Variants in SKIC3 observed in about 807,000 individuals in gnomAD.
The protein encoded by SKIC3 is SKI3 subunit of superkiller complex, also known as superkiller complex protein 3.
At chr5:95,525,992 T>C in the SKIC3 span, among the ~76,000 whole-genome samples, 1 of 152,188 alleles carries the variant, frequency 6.6e-6, no homozygotes, top group African/African-American at 2.4e-5. Context: ...TCTGCTCAGA[T>C]GATTTTGACA....
At chr5:95,490,055 G>T in the SKIC3 span, among the ~76,000 whole-genome samples, 5 of 152,096 alleles carry the variant, frequency 3.3e-5, no homozygotes, top group South Asian at 1.0e-3. Context: ...GACAAAAGTA[G>T]GCTAATCTAT....
chr5:95,515,098 T>C, the SKIC3 span: 4 of 590,530 alleles, frequency 6.8e-6, no homozygotes, highest in Non-Finnish European at 1.2e-5. Context: ...ACTACACAGT[T>C]CTGGAACACT....
chr5:95,497,449 T>C, the SKIC3 span: 293 of 1,613,672 alleles, frequency 1.8e-4, 1 homozygote, highest in Middle Eastern at 6.4e-3. Flanking sequence ...GTGCAACAAC[T>C]CGAGACAACA....
At chr5:95,486,101 G>T in the SKIC3 span, among the ~76,000 whole-genome samples, 7 of 152,124 alleles carry the variant, frequency 4.6e-5, no homozygotes, top group Non-Finnish European at 1.0e-4. Flanking sequence ...GGTCCAAAGT[G>T]GGAGCTCACG....
chr5:95,466,272 T>C, the SKIC3 span, among the ~76,000 whole-genome samples: 1 of 152,226 alleles, frequency 6.6e-6, no homozygotes, highest in Non-Finnish European at 1.5e-5. Context: ...AACTGTCACA[T>C]GTATTTTATA....
chr5:95,502,930 A>C, the SKIC3 span: 91 of 1,613,962 alleles, frequency 5.6e-5, no homozygotes, highest in Non-Finnish European at 7.6e-5. Flanking sequence ...GTTTATATTC[A>C]GTTATTGCCA....
At chr5:95,523,478 G>C in the SKIC3 span, 1 of 1,166,328 alleles carries the variant, frequency 8.6e-7, no homozygotes, top group Non-Finnish European at 1.2e-6. Flanking sequence ...ACAATAAGTG[G>C]TTAGTAATTT....
chr5:95,541,926 T>C, the SKIC3 span: 1 of 1,513,072 alleles, frequency 6.6e-7, no homozygotes, highest in Non-Finnish European at 9.2e-7. Flanking sequence ...GAAGTACTCA[T>C]GATTATTCTT....
At chr5:95,536,896 C>T in the SKIC3 span, 11 of 1,613,466 alleles carry the variant, frequency 6.8e-6, no homozygotes, top group South Asian at 2.2e-5. Flanking sequence ...CTTCACAGGC[C>T]TTCTTCAATC....
At chr5:95,517,438 CCTAA>C in the SKIC3 span, 1 of 1,168,890 alleles carries the variant, frequency 8.6e-7, no homozygotes, top group Admixed American at 2.1e-5. Context: ...CTAGTCTCCT[CCTAA>C]CTGAATCATA....
chr5:95,470,245 T>C, the SKIC3 span, among the ~76,000 whole-genome samples: 1 of 152,172 alleles, frequency 6.6e-6, no homozygotes, highest in African/African-American at 2.4e-5. Context: ...CCCAAAGTGC[T>C]GGGATTACAG....
At chr5:95,503,709 A>C in the SKIC3 span, 34 of 1,535,214 alleles carry the variant, frequency 2.2e-5, no homozygotes, top group Non-Finnish European at 3.0e-5. Context: ...TTTAATAAAC[A>C]TTGCAACCCC....
chr5:95,514,165 T>A, the SKIC3 span, among the ~76,000 whole-genome samples: 1 of 152,168 alleles, frequency 6.6e-6, no homozygotes, highest in African/African-American at 2.4e-5. Context: ...TGATTAATAA[T>A]TTTCTGATAA....
At chr5:95,540,929 T>C in the SKIC3 span, 7 of 1,193,318 alleles carry the variant, frequency 5.9e-6, no homozygotes, top group African/African-American at 3.1e-5. Flanking sequence ...TTTGTTAATA[T>C]ATAAAAATAG....
chr5:95,504,053 A>ATTTAATTCTT, the SKIC3 span: 1 of 784,046 alleles, frequency 1.3e-6, no homozygotes, highest in Non-Finnish European at 1.9e-6. Flanking sequence ...TCACATCTGT[A>ATTTAATTCTT]ATCCCAGCAC....
the SKIC3 span, among the ~76,000 whole-genome samples, chr5:95,476,953 T>C: frequency 6.6e-6 from 1 of 152,248 alleles, no homozygotes; most frequent in Non-Finnish European, 1.5e-5. Context: ...AAAACTATTA[T>C]TAATTTGTTC....
chr5:95,552,437 T>C, the SKIC3 span, among the ~76,000 whole-genome samples: 3 of 152,328 alleles, frequency 2.0e-5, no homozygotes, highest in African/African-American at 7.2e-5. Flanking sequence ...TCAGAGCTTC[T>C]TATATACCCA....
At chr5:95,527,800 A>G in the SKIC3 span, among the ~76,000 whole-genome samples, 17 of 152,360 alleles carry the variant, frequency 1.1e-4, no homozygotes, top group East Asian at 3.1e-3. Flanking sequence ...AAATAGTCTT[A>G]TATGATGAGT....
the SKIC3 span, chr5:95,504,080 GGGGGGTGGGGGTGGGGGGTGGGGGGA>G: frequency 2.7e-6 from 1 of 374,938 alleles, no homozygotes. Flanking sequence ...AGGCCCAGGC[GGGGGGTGGGGGTGGGGGGTGGGGGGA>G]GGGGGTGGAT....
Sources: allele counts gnomAD v4.1 joint callset (sites outside exome capture counted in the v4.1 genomes callset), GRCh38; gene constraint gnomAD v4.1.1; transcripts MANE v1.5; gene names NCBI Gene and HGNC (gene_info 2026-07-23, HGNC 2026-07-21).